Variants in TPPP observed in about 807,000 individuals in gnomAD.
The protein encoded by TPPP is tubulin polymerization promoting protein.
In TPPP, 6 loss-of-function variants were observed where a neutral mutation model predicts 15.5. The observed-to-expected ratio is 0.39, with a 90% CI of 0.21 to 0.77. TPPP has a LOEUF of 0.77. TPPP is among the 30% of genes least tolerant of loss of function. The probability of loss-of-function intolerance (pLI) is 0.42; values close to 1 mark genes in which losing one functional copy is unlikely to be tolerated. For missense variants in TPPP, 269 were observed against 307.2 expected, an observed-to-expected ratio of 0.88 and a Z score of 0.93; for synonymous variants, 146 against 133.9, an observed-to-expected ratio of 1.09 and a Z score of -0.63.
intron 1 of TPPP, among the ~76,000 whole-genome samples, chr5:679,438 GATC>G (rs1343068579): frequency 5.4e-5 from 8 of 147,848 alleles, no homozygotes; most frequent in Middle Eastern, 3.5e-3. Context: ...CTGGGGGCAG[GATC>G]CTGGGGGTGG....
intron 2 of TPPP, among the ~76,000 whole-genome samples, chr5:675,465 G>GGGGGGGCAGTGTGGCCA (rs1561087254): frequency 4.4e-5 from 2 of 45,446 alleles, no homozygotes; most frequent in African/African-American, 2.6e-4. Flanking sequence ...GTGCAGCACA[G>GGGGGGGCAGTGTGGCCA]GGGGTGCAGT....
rs1321362911 is a variant in TPPP, at chr5:660,308, G to A, written c.*4794C>T. The stretch of plus-strand genomic sequence containing the variant: ...CCCTTTCAAGTTTCTCTTAAGTTGT[G>A]CAGATTTCCTTTGTGGTTTGGCTTG... On this transcript the variant is annotated 3_prime_UTR_variant, in exon 4 of 4. Transcript: ENST00000360578. 6.6e-6 allele frequency: 1 copy of A among 152,028 alleles called. No homozygotes were observed. Among genetic ancestry groups the A allele is most frequent in the Admixed American group, 6.6e-5 (1 of 15,254 alleles). 9.4% of individuals were successfully genotyped at this position (152,028 alleles called of 1,614,324 possible).
upstream of TPPP, among the ~76,000 whole-genome samples, chr5:696,762 GTGTT>G (rs1314967136): frequency 2.4e-5 from 2 of 82,594 alleles, no homozygotes; most frequent in Non-Finnish European, 5.7e-5. Flanking sequence ...ATGCATGCGT[GTGTT>G]TGTGCATTCC....
chr5:684,436 C>G (rs1398154311), intron 1 of TPPP, among the ~76,000 whole-genome samples: 1 of 152,166 alleles, frequency 6.6e-6, no homozygotes, highest in Non-Finnish European at 1.5e-5. Flanking sequence ...CTGGACAGCT[C>G]TCGGCGCTGG....
Position 665,137 on chromosome 5 carries a change from C to T in TPPP, c.625G>A (p.Gly209Ser), listed in dbSNP as rs1379933580. The T allele has an allele frequency of 1.9e-6, 3 of 1,612,676 alleles. No homozygotes were observed. Among genetic ancestry groups the T allele is most frequent in the Non-Finnish European group, 1.7e-6 (2 of 1,179,982 alleles). ...CCTTGCACCTTCTGGTCGTAGGTGCCTGCGTGCTTGTAGCCGGACACATAG... is the reference window on the plus strand; with the variant it reads ...CCTTGCACCTTCTGGTCGTAGGTGCTTGCGTGCTTGTAGCCGGACACATAG... ...SGYVSGYKHAGTYDQKVQGGK is the reference protein window; with the variant it reads ...SGYVSGYKHASTYDQKVQGGK Residue 209 changes from glycine (G) to serine (S), a missense_variant, in exon 4 of 4, where the codon GGC becomes AGC. By Grantham distance (56) the Gly-to-Ser change is moderately conservative. Coordinates refer to ENST00000360578, the MANE Select transcript of TPPP (RefSeq NM_007030.3).
intron 1 of TPPP, among the ~76,000 whole-genome samples, chr5:687,310 C>A (rs1383480638): frequency 7.4e-6 from 1 of 135,126 alleles, no homozygotes; most frequent in African/African-American, 2.7e-5. Flanking sequence ...CGGGTGGGAC[C>A]AGAGGCTCAG....
the TPPP span, among the ~76,000 whole-genome samples, chr5:698,760 C>T: frequency 6.6e-6 from 1 of 151,988 alleles, no homozygotes; most frequent in African/African-American, 2.4e-5. Flanking sequence ...GGTGCGGACA[C>T]AGCCAAACCG....
chr5:672,220 T>G (rs1740248148), intron 2 of TPPP, among the ~76,000 whole-genome samples: 1 of 152,054 alleles, frequency 6.6e-6, no homozygotes, highest in Non-Finnish European at 1.5e-5. Context: ...CGGGGGGGTG[T>G]ACCAGGCTCA....
chr5:671,590 G>A (rs1740226632), intron 2 of TPPP, among the ~76,000 whole-genome samples: 1 of 152,224 alleles, frequency 6.6e-6, no homozygotes, highest in Non-Finnish European at 1.5e-5. Context: ...TCGCCGCACA[G>A]TGCTCTGGGG....
rs1244085033 is a variant in TPPP, at chr5:663,559, TC to T, written c.*1542del. 1 of 152,434 alleles carries T rather than the reference TC, an allele frequency of 6.6e-6. No individual in the cohort carries two copies. The highest frequency in any genetic ancestry group is 1.5e-5 in the Non-Finnish European group (1 of 68,140). 9.4% of individuals were successfully genotyped at this position (152,434 alleles called of 1,614,324 possible). ...TGGCTGGGAGCTCCGCCCTGGGGCT[TC>T]TGCTCTGCTCAGGTAGGGGGAGTCC... On this transcript the variant is annotated 3_prime_UTR_variant, in exon 4 of 4. Coordinates refer to ENST00000360578, the MANE Select transcript of TPPP (RefSeq NM_007030.3).
chr5:677,134 C>T (rs1561088687), intron 2 of TPPP, among the ~76,000 whole-genome samples: 1 of 152,266 alleles, frequency 6.6e-6, no homozygotes, highest in East Asian at 1.9e-4. Flanking sequence ...TGGCCGGAGC[C>T]GCCTCCTTGG....
chr5:682,014 A>G (rs1561091698), intron 1 of TPPP, among the ~76,000 whole-genome samples: 1 of 151,774 alleles, frequency 6.6e-6, no homozygotes, highest in South Asian at 2.1e-4. Flanking sequence ...TGTTCCCAAG[A>G]GGCCCCACGG....
chr5:672,596 T>G (rs943365063), intron 2 of TPPP, among the ~76,000 whole-genome samples: 1 of 152,102 alleles, frequency 6.6e-6, no homozygotes, highest in Non-Finnish European at 1.5e-5. Context: ...CTGGTGGTGT[T>G]TGGTGCAGTT....
At chr5:697,565 G>A (rs1178928875), upstream of TPPP, among the ~76,000 whole-genome samples, 2 of 152,044 alleles carry the variant, frequency 1.3e-5, no homozygotes, top group Non-Finnish European at 2.9e-5. Flanking sequence ...GGGCAGCCCT[G>A]GGTGTGGCTT....
Position 664,936 on chromosome 5 carries a change from G to A in TPPP, c.*166C>T, listed in dbSNP as rs1389357727. 6 of 730,480 alleles carry A rather than the reference G, an allele frequency of 8.2e-6. No individual in the cohort carries two copies. The highest frequency in any genetic ancestry group is 3.6e-5 in the African/African-American group (2 of 56,228). The allele number at this position is 730,480 out of a possible 1,614,324, so 45.2% of individuals were successfully genotyped here. A position where few individuals can be genotyped will look rare whatever the true frequency, so the allele number is the denominator to read the frequency against. On this transcript the variant is annotated 3_prime_UTR_variant, in exon 4 of 4. Coordinates refer to ENST00000360578, the MANE Select transcript of TPPP (RefSeq NM_007030.3). ...TGAGAGGGGAGTGCTGGGGGCATCCGGTAGGAGGAGGGGCAGGAGGGAGGC... is the reference window on the plus strand; with the variant it reads ...TGAGAGGGGAGTGCTGGGGGCATCCAGTAGGAGGAGGGGCAGGAGGGAGGC...
At position 669,366 on chromosome 5, in the gene TPPP, C is replaced by T. The variant is rs183905630; in HGVS notation, c.312-3243G>A. ...GGATTTAGCCCCTTGACGCGCTCGG[C>T]GTGGACACCCGCACGTTCCCTGTGG... On this transcript the variant is annotated intron_variant, in intron 2 of 3. Transcript: ENST00000360578. Among the ~76,000 whole-genome samples, 546 of 152,268 alleles carry T rather than the reference C, an allele frequency of 3.6e-3. 3 individuals carry two copies. The highest frequency in any genetic ancestry group is 9.7e-3 in the Admixed American group (149 of 15,308).
chr5:698,323 G>T (rs34513816), upstream of TPPP, among the ~76,000 whole-genome samples: 13 of 152,014 alleles, frequency 8.6e-5, 1 homozygote, highest in Admixed American at 3.9e-4. Context: ...GAGCAATCAG[G>T]CAAGAGAAAG....
intron 1 of TPPP, among the ~76,000 whole-genome samples, chr5:680,240 G>C (rs1468073938): frequency 9.1e-6 from 1 of 110,360 alleles, no homozygotes; most frequent in Admixed American, 8.8e-5. Flanking sequence ...ATGAGAGCAC[G>C]GTGGGGGCCG....
At chr5:696,594 G>C (rs1217810388), upstream of TPPP, among the ~76,000 whole-genome samples, 1 of 134,352 alleles carries the variant, frequency 7.4e-6, no homozygotes, top group Non-Finnish European at 1.7e-5. Context: ...GAGGTCAGAG[G>C]GGGTGGTCAG....
Sources: gnomAD v4.1 joint callset for allele counts (sites outside exome capture counted in the v4.1 genomes callset) on GRCh38, gnomAD v4.1.1 for gene constraint, MANE v1.5 for transcripts, NCBI Gene and HGNC (gene_info 2026-07-23, HGNC 2026-07-21) for gene names.